SLC25A26: variants seen among roughly 807,000 people sequenced by gnomAD.
SLC25A26 encodes the protein solute carrier family 25 member 26.
In SLC25A26, 36 loss-of-function variants were observed where a neutral mutation model predicts 37.8. That is an observed-to-expected ratio of 0.95 (90% CI 0.73 to 1.26). The LOEUF is 1.26. SLC25A26 is among the 50% of genes most tolerant of loss of function. The pLI is 0.00. For synonymous variants in SLC25A26, 129 were observed against 122.5 expected (o/e 1.05, Z -0.35); for missense variants, 390 against 331.1 (o/e 1.18, Z -1.38).
intron 9 of SLC25A26, among the ~76,000 whole-genome samples, chr3:66,373,801 C>G (rs1312333484): frequency 6.6e-6 from 1 of 151,836 alleles, no homozygotes; most frequent in Admixed American, 6.6e-5. Context: ...CCATAGCTAG[C>G]TAACTAAAAA....
chr3:66,209,090 GTATATA>G (rs1212142217), intron 1 of SLC25A26, among the ~76,000 whole-genome samples: 7,188 of 46,206 alleles, frequency 0.16, 1,224 homozygotes, highest in African/African-American at 0.35. Context: ...ATATAAAGAT[GTATATA>G]TATATATATA....
intron 1 of SLC25A26, among the ~76,000 whole-genome samples, chr3:66,194,898 G>A (rs1318897540): frequency 3.3e-5 from 5 of 152,320 alleles, no homozygotes; most frequent in African/African-American, 9.6e-5. Flanking sequence ...ACCGCGCCGG[G>A]CCCAAAACTT....
At chr3:66,164,780 C>T (rs957819815) in intron 1 of SLC25A26, among the ~76,000 whole-genome samples, 1 of 152,180 alleles carries the variant, frequency 6.6e-6, no homozygotes, top group African/African-American at 2.4e-5. Flanking sequence ...TTTGCTGACC[C>T]CTGGAGAAAG....
At position 66,223,590 on chromosome 3, in the gene SLC25A26, C is replaced by T. The variant is rs2071600256; in HGVS notation, c.33+2463C>T. Among the ~76,000 whole-genome samples, 3 of 151,984 alleles carry T rather than the reference C, an allele frequency of 2.0e-5. No homozygotes were observed. The South Asian group carries it at 6.3e-4, about 32-fold the overall frequency. On this transcript the variant is annotated intron_variant, in intron 1 of 9. Coordinates refer to ENST00000354883, the MANE Select transcript of SLC25A26 (RefSeq NM_001379210.1). ...TTTGGTTTTGCTTACTACTCTTTTA[C>T]CAGTACCTGGCACTAGGTAAGCACT...
intron 9 of SLC25A26, chr3:66,371,060 T>C: frequency 2.4e-6 from 3 of 1,265,782 alleles, no homozygotes; most frequent in Non-Finnish European, 3.1e-6. Context: ...ACCATTGTGC[T>C]ACAGAAGTGC....
chr3:66,165,321 G>A (rs1032392819), intron 1 of SLC25A26, among the ~76,000 whole-genome samples: 3 of 152,200 alleles, frequency 2.0e-5, no homozygotes, highest in Non-Finnish European at 4.4e-5. Context: ...CTTTGAGCCT[G>A]AGCTACTCAG....
At chr3:66,172,413 A>G (rs1330155377) in intron 1 of SLC25A26, among the ~76,000 whole-genome samples, 1 of 140,154 alleles carries the variant, frequency 7.1e-6, no homozygotes, top group Admixed American at 6.9e-5. Context: ...CTGTAAAGAA[A>G]AAAAAAAAAA....
chr3:66,260,074 C>T (rs1414897042), intron 3 of SLC25A26, among the ~76,000 whole-genome samples: 1 of 152,126 alleles, frequency 6.6e-6, no homozygotes, highest in Non-Finnish European at 1.5e-5. Flanking sequence ...CCTTTCTTGC[C>T]AGCTCATTCC....
At chr3:66,299,818 G>T (rs2075019861) in intron 5 of SLC25A26, among the ~76,000 whole-genome samples, 2 of 152,296 alleles carry the variant, frequency 1.3e-5, no homozygotes, top group South Asian at 4.1e-4. Context: ...CATGCGGGTA[G>T]TTTTTGAAAA....
At chr3:66,236,770 A>G (rs1469255283) in intron 2 of SLC25A26, 70 bp downstream of exon 2, 6 of 1,187,884 alleles carry the variant, frequency 5.1e-6, no homozygotes, top group African/African-American at 1.5e-5. Flanking sequence ...GTGTGGTCTT[A>G]CCCCCATAGA....
At chr3:66,355,837 C>T (rs2076561578) in intron 6 of SLC25A26, among the ~76,000 whole-genome samples, 2 of 152,134 alleles carry the variant, frequency 1.3e-5, no homozygotes, top group African/African-American at 4.8e-5. Flanking sequence ...GTGGTAAACT[C>T]ACAGCAGTGA....
chr3:66,154,311 C>T (rs531265000), intron 1 of SLC25A26, among the ~76,000 whole-genome samples: 42 of 152,252 alleles, frequency 2.8e-4, no homozygotes, highest in Admixed American at 2.4e-3. Context: ...TTGCTGCTTG[C>T]ATTGTTTTGG....
intron 1 of SLC25A26, among the ~76,000 whole-genome samples, chr3:66,153,787 C>T (rs888576284): frequency 6.6e-6 from 1 of 152,180 alleles, no homozygotes; most frequent in Non-Finnish European, 1.5e-5. Flanking sequence ...TCTTGTAAAG[C>T]CAAATGAAAA....
At chr3:66,365,899 T>A (rs1200739138) in intron 7 of SLC25A26, among the ~76,000 whole-genome samples, 1 of 152,114 alleles carries the variant, frequency 6.6e-6, no homozygotes, top group Non-Finnish European at 1.5e-5. Context: ...GGCAGCAAGG[T>A]TGCCCAGGGG....
At chr3:66,369,043 ACAAAAACAAAAAAAAAAAAC>A (rs1414453045) in intron 7 of SLC25A26, among the ~76,000 whole-genome samples, 58 of 81,414 alleles carry the variant, frequency 7.1e-4, no homozygotes, top group Non-Finnish European at 1.0e-3. Context: ...AAAAAAAAAA[ACAAAAACAAAAAAAAAAAAC>A]AAAAGACAGT....
At chr3:66,284,714 G>T (rs1213405286) in intron 5 of SLC25A26, among the ~76,000 whole-genome samples, 1 of 152,022 alleles carries the variant, frequency 6.6e-6, no homozygotes, top group Non-Finnish European at 1.5e-5. Context: ...AGTCATATAG[G>T]GTAAGTGCTC....
chr3:66,263,939 T>C (rs1012112607), intron 5 of SLC25A26, among the ~76,000 whole-genome samples: 24 of 151,504 alleles, frequency 1.6e-4, no homozygotes, highest in African/African-American at 5.1e-4. Flanking sequence ...ATTACAGGCG[T>C]GAGTCGCCGC....
intron 5 of SLC25A26, among the ~76,000 whole-genome samples, chr3:66,273,129 C>A (rs1026869795): frequency 3.9e-5 from 6 of 152,090 alleles, no homozygotes; most frequent in Non-Finnish European, 7.4e-5. Context: ...AGCCTTGCAT[C>A]CCAGGGATGA....
chr3:66,137,007 C>T (rs1341639492), intron 1 of SLC25A26, among the ~76,000 whole-genome samples: 1 of 152,000 alleles, frequency 6.6e-6, no homozygotes, highest in East Asian at 1.9e-4. Flanking sequence ...TTCTGATTTG[C>T]ATTTATGATA....
Sources: gnomAD v4.1 joint callset for allele counts (sites outside exome capture counted in the v4.1 genomes callset) on GRCh38, gnomAD v4.1.1 for gene constraint, MANE v1.5 for transcripts, NCBI Gene and HGNC (gene_info 2026-07-23, HGNC 2026-07-21) for gene names.